The following LMAN2L variants were observed in gnomAD, a reference collection of about 807,000 sequenced individuals.
The protein encoded by LMAN2L is lectin, mannose binding 2 like.
LMAN2L carries 30 observed loss-of-function variants against 44.3 expected under a neutral mutation model. The ratio of observed to expected loss-of-function variants is 0.68; its 90% CI spans 0.51 to 0.92. LMAN2L has a LOEUF of 0.92. LMAN2L is among the 40% of genes least tolerant of loss of function. The probability of loss-of-function intolerance (pLI) is 0.00; values close to 1 mark genes in which losing one functional copy is unlikely to be tolerated. For missense variants in LMAN2L, 429 were observed against 446.1 expected, an observed-to-expected ratio of 0.96 and a Z score of 0.35; for synonymous variants, 183 against 171.1, an observed-to-expected ratio of 1.07 and a Z score of -0.54.
rs1553471548 is a variant in LMAN2L, at chr2:96,734,391, A to G, written c.424+18T>C. Reference sequence around the variant, plus strand: ...CAGGCTGTCACACCCACACAAGAGTAACACAGGCTCCCAATACCTGGCTGC... The same window carrying G: ...CAGGCTGTCACACCCACACAAGAGTGACACAGGCTCCCAATACCTGGCTGC... On this transcript the variant is annotated intron_variant, in intron 3 of 7. Coordinates refer to ENST00000264963, the MANE Select transcript of LMAN2L (RefSeq NM_030805.4). 6.8e-7 allele frequency: 1 copy of G among 1,461,900 alleles called. No homozygotes were observed. The allele number at this position is 1,461,900 out of a possible 1,614,324, so 90.6% of individuals were successfully genotyped here.
intron 4 of LMAN2L, among the ~76,000 whole-genome samples, chr2:96,730,424 G>A (rs2078367968): frequency 6.6e-6 from 1 of 152,072 alleles, no homozygotes; most frequent in South Asian, 2.1e-4. Context: ...GGTATATGGT[G>A]AGCATGAGTC....
At chr2:96,724,763 C>T (rs754250536) in intron 4 of LMAN2L, among the ~76,000 whole-genome samples, 2 of 152,230 alleles carry the variant, frequency 1.3e-5, no homozygotes, top group Non-Finnish European at 2.9e-5. Flanking sequence ...TCTCCTGCCT[C>T]TGCCTCCCGA....
intron 4 of LMAN2L, among the ~76,000 whole-genome samples, chr2:96,727,464 T>G (rs1267270422): frequency 6.6e-6 from 1 of 152,130 alleles, no homozygotes; most frequent in Non-Finnish European, 1.5e-5. Context: ...GAACCCTGTC[T>G]CTACAAAAAA....
At chr2:96,723,851 G>A (rs1318350993) in intron 4 of LMAN2L, among the ~76,000 whole-genome samples, 3 of 152,158 alleles carry the variant, frequency 2.0e-5, no homozygotes, top group Non-Finnish European at 4.4e-5. Context: ...CACACTGGGA[G>A]GCCGACGCGG....
At position 96,711,787 on chromosome 2, in the gene LMAN2L, G is replaced by C. The variant is rs1212476712; in HGVS notation, c.670-17C>G. 2 of 1,613,170 alleles carry C rather than the reference G, an allele frequency of 1.2e-6. No homozygotes were observed. Among genetic ancestry groups the C allele is most frequent in the South Asian group, 2.2e-5 (2 of 91,060 alleles). On this transcript the variant is annotated splice_polypyrimidine_tract_variant and intron_variant, in intron 5 of 7. Coordinates refer to ENST00000264963, the MANE Select transcript of LMAN2L (RefSeq NM_030805.4). Reference sequence around the variant, plus strand: ...CATCATTATCTAGAATAAAAAGAGAGATAAATCAGGGTCAGGCCATGGGAG... The same window carrying C: ...CATCATTATCTAGAATAAAAAGAGACATAAATCAGGGTCAGGCCATGGGAG...
chr2:96,739,040 G>A (rs1476143176), intron 1 of LMAN2L, among the ~76,000 whole-genome samples: 4 of 152,100 alleles, frequency 2.6e-5, no homozygotes, highest in Non-Finnish European at 4.4e-5. Flanking sequence ...CGCCCCAGCC[G>A]TCACATTCTT....
At chr2:96,713,189 C>T in intron 4 of LMAN2L, 2 of 1,497,554 alleles carry the variant, frequency 1.3e-6, no homozygotes, top group Non-Finnish European at 1.8e-6. Flanking sequence ...GCACAGAAGA[C>T]AGGAGACCAA....
At chr2:96,723,031 A>AG (rs2078192520) in intron 4 of LMAN2L, among the ~76,000 whole-genome samples, 1 of 152,154 alleles carries the variant, frequency 6.6e-6, no homozygotes, top group African/African-American at 2.4e-5. Flanking sequence ...AAAAAAAAAA[A>AG]GTTTTGTGTA....
chr2:96,710,918 T>G (rs917255542), intron 6 of LMAN2L, among the ~76,000 whole-genome samples: 2 of 151,936 alleles, frequency 1.3e-5, no homozygotes, highest in Non-Finnish European at 2.9e-5. Flanking sequence ...ATGATTGGGG[T>G]TCAAGCAAAG....
chr2:96,739,827 A>C (rs1173550362), intron 1 of LMAN2L, 27 bp downstream of exon 1: 2 of 1,608,864 alleles, frequency 1.2e-6, no homozygotes, highest in East Asian at 2.2e-5. Context: ...GCCCCACTGC[A>C]CGACCACCTC....
At chr2:96,722,547 A>T (rs537741823) in intron 4 of LMAN2L, among the ~76,000 whole-genome samples, 4 of 152,162 alleles carry the variant, frequency 2.6e-5, no homozygotes, top group Non-Finnish European at 5.9e-5. Context: ...GGCAGTAATG[A>T]GAGCAATGGG....
At chr2:96,715,633 T>C (rs945834232) in intron 4 of LMAN2L, among the ~76,000 whole-genome samples, 31 of 152,340 alleles carry the variant, frequency 2.0e-4, no homozygotes, top group African/African-American at 6.0e-4. Context: ...CAAAGGACTG[T>C]TGTTTAAAGG....
chr2:96,728,270 G>C (rs796105674), intron 4 of LMAN2L, among the ~76,000 whole-genome samples: 8 of 150,294 alleles, frequency 5.3e-5, no homozygotes, highest in Admixed American at 1.3e-4. Context: ...GGCGGATCAC[G>C]AGGTCAGGAG....
At chr2:96,732,503 G>C (rs2078422941) in intron 4 of LMAN2L, among the ~76,000 whole-genome samples, 1 of 151,866 alleles carries the variant, frequency 6.6e-6, no homozygotes, top group Non-Finnish European at 1.5e-5. Context: ...AGTTAGCTGG[G>C]TGTGGTGGCA....
chr2:96,729,284 A>C (rs2078342698), intron 4 of LMAN2L, among the ~76,000 whole-genome samples: 1 of 152,154 alleles, frequency 6.6e-6, no homozygotes, highest in South Asian at 2.1e-4. Context: ...CTGGTAGAAC[A>C]TCATAGATAA....
At chr2:96,735,500 T>C (rs1171794436) in intron 2 of LMAN2L, among the ~76,000 whole-genome samples, 1 of 152,244 alleles carries the variant, frequency 6.6e-6, no homozygotes, top group Non-Finnish European at 1.5e-5. Flanking sequence ...AGCCAGTCTC[T>C]GTCTTGTCAC....
intron 4 of LMAN2L, among the ~76,000 whole-genome samples, chr2:96,727,852 G>A (rs2078302108): frequency 6.6e-6 from 1 of 152,136 alleles, no homozygotes; most frequent in Non-Finnish European, 1.5e-5. Flanking sequence ...CTCTTTTAAT[G>A]AGCTCAAAAT....
At chr2:96,737,651 G>T (rs1257991944) in intron 2 of LMAN2L, among the ~76,000 whole-genome samples, 1 of 152,080 alleles carries the variant, frequency 6.6e-6, no homozygotes, top group Non-Finnish European at 1.5e-5. Flanking sequence ...TTACAAAGTG[G>T]TTAAGCAGGA....
chr2:96,733,683 A>G, intron 3 of LMAN2L, 82 bp from the exon 4 acceptor site: 1 of 1,164,562 alleles, frequency 8.6e-7, no homozygotes, highest in Non-Finnish European at 1.3e-6. Context: ...GATGGAGGAA[A>G]AAGTAAAATT....
Sources: allele counts gnomAD v4.1 joint callset (sites outside exome capture counted in the v4.1 genomes callset), GRCh38; gene constraint gnomAD v4.1.1; transcripts MANE v1.5; gene names NCBI Gene and HGNC (gene_info 2026-07-23, HGNC 2026-07-21).